Variants in DSCAM observed in about 807,000 individuals in gnomAD.
DSCAM encodes the protein cell adhesion molecule DSCAM.
DSCAM carries 47 observed loss-of-function variants against 217.7 expected under a neutral mutation model. The ratio of observed to expected loss-of-function variants is 0.22; its 90% CI spans 0.17 to 0.28. The LOEUF (loss-of-function observed/expected upper bound fraction) is 0.28. DSCAM is among the 10% of genes least tolerant of loss of function. DSCAM has a pLI of 1.00. For synonymous variants in DSCAM, 1,056 were observed against 1,015.3 expected, an observed-to-expected ratio of 1.04 and a Z score of -0.76; for missense variants, 2,080 against 2,618.3, an observed-to-expected ratio of 0.79 and a Z score of 4.49.
chr21:40,215,176 G>A lies in DSCAM; in HGVS notation c.2357-25938C>T, dbSNP rs551381400. ...GGAGCTTGCAGTGAGCCGAGATTGC[G>A]CCACTGCAGTCCGCAGTCCGGCCTG... On this transcript the variant is annotated intron_variant, in intron 11 of 32. Coordinates refer to ENST00000400454, the MANE Select transcript of DSCAM (RefSeq NM_001389.5). Among the ~76,000 whole-genome samples the A allele has an allele frequency of 1.0e-4, 3 of 29,274 alleles. 1 individual carries two copies. The highest frequency in any genetic ancestry group is 1.5e-4 in the Non-Finnish European group (2 of 13,412). 19.2% of individuals were successfully genotyped at this position (29,274 alleles called of 152,430 possible). A position where few individuals can be genotyped will look rare whatever the true frequency, so the allele number is the denominator to read the frequency against.
At chr21:40,427,007 G>C (rs1030816145) in intron 3 of DSCAM, among the ~76,000 whole-genome samples, 2 of 152,160 alleles carry the variant, frequency 1.3e-5, no homozygotes, top group Admixed American at 1.3e-4. Context: ...GTCAGCCCCG[G>C]GACCTGATGC....
intron 3 of DSCAM, among the ~76,000 whole-genome samples, chr21:40,438,341 G>A (rs921373823): frequency 5.9e-5 from 9 of 152,088 alleles, no homozygotes; most frequent in Non-Finnish European, 1.2e-4. Flanking sequence ...TGTTAATCTT[G>A]GTATCTTGGA....
At chr21:40,846,273 T>C (rs1397059874) in intron 1 of DSCAM, among the ~76,000 whole-genome samples, 1 of 152,058 alleles carries the variant, frequency 6.6e-6, no homozygotes, top group Non-Finnish European at 1.5e-5. Flanking sequence ...CAGGTTGTAA[T>C]ATTCAAAGTG....
chr21:40,821,023 C>T (rs2091920629), intron 1 of DSCAM, among the ~76,000 whole-genome samples: 1 of 149,786 alleles, frequency 6.7e-6, no homozygotes, highest in Non-Finnish European at 1.5e-5. Context: ...GAGGGCTTCG[C>T]AGATATATAT....
intron 3 of DSCAM, among the ~76,000 whole-genome samples, chr21:40,573,842 T>C (rs1467891606): frequency 6.6e-6 from 1 of 152,078 alleles, no homozygotes; most frequent in Non-Finnish European, 1.5e-5. Flanking sequence ...TAAGGGAATA[T>C]CATAAACAAC....
chr21:40,258,427 T>C (rs1290025498), intron 11 of DSCAM, among the ~76,000 whole-genome samples: 1 of 152,208 alleles, frequency 6.6e-6, no homozygotes, highest in Non-Finnish European at 1.5e-5. Flanking sequence ...AAGTGAAATA[T>C]GAGCTACTCC....
intron 6 of DSCAM, 81 bp downstream of exon 6, chr21:40,347,589 G>A: frequency 1.9e-6 from 3 of 1,577,294 alleles, no homozygotes; most frequent in South Asian, 2.3e-5. Context: ...GATCAGCACT[G>A]CTTCACCCTG....
intron 16 of DSCAM, among the ~76,000 whole-genome samples, chr21:40,156,349 T>G (rs2090479473): frequency 7.8e-6 from 1 of 128,672 alleles, no homozygotes; most frequent in Non-Finnish European, 1.7e-5. Flanking sequence ...GAAAGGGGCT[T>G]GTAAAGGAGT....
intron 2 of DSCAM, among the ~76,000 whole-genome samples, chr21:40,707,026 C>T (rs1278431500): frequency 3.9e-5 from 6 of 152,212 alleles, no homozygotes; most frequent in Admixed American, 3.9e-4. Flanking sequence ...TGCTCTAAAA[C>T]TTTCAGTGTC....
chr21:40,234,712 A>G (rs2091411137), intron 11 of DSCAM, among the ~76,000 whole-genome samples: 1 of 152,180 alleles, frequency 6.6e-6, no homozygotes, highest in South Asian at 2.1e-4. Flanking sequence ...TGGTACATTT[A>G]AATGCATCCA....
chr21:40,610,700 G>A (rs1391508141), intron 3 of DSCAM, among the ~76,000 whole-genome samples: 3 of 152,294 alleles, frequency 2.0e-5, no homozygotes, highest in Admixed American at 6.5e-5. Flanking sequence ...AGGCATCAGG[G>A]TGGCCGTCAC....
intron 27 of DSCAM, among the ~76,000 whole-genome samples, chr21:40,066,027 C>G (rs73221360): frequency 0.069 from 10,469 of 152,310 alleles, 485 homozygotes; most frequent in East Asian, 0.11. Context: ...GTGCAAAGCC[C>G]TCCATCGTCC....
chr21:40,551,206 A>G (rs1346784204), intron 3 of DSCAM, among the ~76,000 whole-genome samples: 1 of 152,238 alleles, frequency 6.6e-6, no homozygotes, highest in East Asian at 1.9e-4. Context: ...TTAGGGAAAC[A>G]TAAGACATCA....
At chr21:40,727,312 C>A (rs1420021688) in intron 1 of DSCAM, among the ~76,000 whole-genome samples, 2 of 152,162 alleles carry the variant, frequency 1.3e-5, no homozygotes, top group African/African-American at 4.8e-5. Context: ...GTTCTGGGAT[C>A]CAGTATTCTT....
chr21:40,685,326 C>T (rs776943856), intron 3 of DSCAM, among the ~76,000 whole-genome samples: 11 of 152,174 alleles, frequency 7.2e-5, no homozygotes, highest in Non-Finnish European at 1.6e-4. Context: ...AGGATATTGG[C>T]AGCGTTCCCA....
chr21:40,241,538 G>A (rs1479270962), intron 11 of DSCAM, among the ~76,000 whole-genome samples: 2 of 152,158 alleles, frequency 1.3e-5, no homozygotes, highest in African/African-American at 4.8e-5. Flanking sequence ...ATACACTGTT[G>A]GTGGGAGTGT....
chr21:40,053,683 T>C (rs559613032), intron 29 of DSCAM, among the ~76,000 whole-genome samples: 1 of 152,312 alleles, frequency 6.6e-6, no homozygotes, highest in East Asian at 1.9e-4. Context: ...CGACCCATTG[T>C]CAGGCATCAC....
chr21:40,235,332 T>A (rs1426647485), intron 11 of DSCAM, among the ~76,000 whole-genome samples: 1 of 152,158 alleles, frequency 6.6e-6, no homozygotes, highest in Non-Finnish European at 1.5e-5. Context: ...TTTTGCCTTA[T>A]GAAGTAGGAA....
At chr21:40,751,165 TC>T (rs1042408437) in intron 1 of DSCAM, among the ~76,000 whole-genome samples, 5 of 152,038 alleles carry the variant, frequency 3.3e-5, no homozygotes, top group African/African-American at 1.2e-4. Context: ...CCCGCTGACA[TC>T]CCCAGGACTC....
Sources: gnomAD v4.1 joint callset for allele counts (sites outside exome capture counted in the v4.1 genomes callset) on GRCh38, gnomAD v4.1.1 for gene constraint, MANE v1.5 for transcripts, NCBI Gene and HGNC (gene_info 2026-07-23, HGNC 2026-07-21) for gene names.